Variants in UHRF2 observed in about 807,000 individuals in gnomAD.
UHRF2 encodes the protein ubiquitin like with PHD and ring finger domains 2, also known as E3 ubiquitin-protein ligase UHRF2.
A neutral mutation model predicts 96.8 loss-of-function variants in UHRF2; 23 were observed. The observed-to-expected ratio is 0.24, with a 90% confidence interval of 0.17 to 0.34. The LOEUF is 0.34. Among genes scored for constraint, UHRF2 ranks in the 10% least tolerant of loss-of-function variants. The pLI, the probability that UHRF2 is intolerant of heterozygous loss-of-function variation, is 1.00. For missense variants in UHRF2, 685 were observed against 981.5 expected, an observed-to-expected ratio of 0.70 and a Z score of 4.04; for synonymous variants, 385 against 332.6, an observed-to-expected ratio of 1.16 and a Z score of -1.72.
chr9:6,467,531 C>T (rs918140446), intron 4 of UHRF2, among the ~76,000 whole-genome samples: 2 of 149,690 alleles, frequency 1.3e-5, no homozygotes, highest in Admixed American at 1.3e-4. Context: ...GTGTGCCAGG[C>T]CTTGTTCTAG....
intron 8 of UHRF2, among the ~76,000 whole-genome samples, chr9:6,482,901 A>G (rs1170885123): frequency 6.6e-6 from 1 of 152,116 alleles, no homozygotes; most frequent in Non-Finnish European, 1.5e-5. Flanking sequence ...TAATTTTTAT[A>G]TTGAATGGCC....
chr9:6,502,746 C>T (rs965418945), intron 14 of UHRF2, among the ~76,000 whole-genome samples: 3 of 152,062 alleles, frequency 2.0e-5, no homozygotes, highest in Admixed American at 6.6e-5. Flanking sequence ...TAGATATACC[C>T]GTATTATAGG....
At chr9:6,484,723 C>T (rs1230319254) in intron 8 of UHRF2, 1 of 145,988 alleles carries the variant, frequency 6.8e-6, no homozygotes, top group East Asian at 2.0e-4. Context: ...CTTCTTATTT[C>T]TATTAATAAA....
At chr9:6,428,296 A>C (rs1312071157) in intron 2 of UHRF2, among the ~76,000 whole-genome samples, 1 of 152,136 alleles carries the variant, frequency 6.6e-6, no homozygotes, top group African/African-American at 2.4e-5. Context: ...AAGTTATGAA[A>C]TAGAATAACA....
At chr9:6,469,021 CAG>C (rs1439184177) in intron 4 of UHRF2, among the ~76,000 whole-genome samples, 2 of 151,406 alleles carry the variant, frequency 1.3e-5, no homozygotes, top group African/African-American at 4.9e-5. Flanking sequence ...GCCACATAAT[CAG>C]AAAACAGAAG....
At position 6,432,597 on chromosome 9, in the gene UHRF2, T is replaced by G. The variant is rs367799803; in HGVS notation, c.385-1317T>G. On this transcript the variant is annotated intron_variant, in intron 2 of 15. Transcript: ENST00000276893. ...TTTTGTAAAATAGGAATTAAACTTC[T>G]TAGGGTTAGACATATCTAAGTAAAG... 2.0e-4 allele frequency among the ~76,000 whole-genome samples: 30 copies of G among 152,332 alleles called. No individual in the cohort carries two copies. The East Asian group carries it at 5.2e-3, about 26-fold the overall frequency.
At chr9:6,434,846 G>A (rs560572598) in intron 3 of UHRF2, among the ~76,000 whole-genome samples, 103 of 152,014 alleles carry the variant, frequency 6.8e-4, no homozygotes, top group African/African-American at 2.4e-3. Flanking sequence ...GTTTTGGGGG[G>A]TGGGGACCGG....
intron 6 of UHRF2, 38 bp downstream of exon 6, chr9:6,477,846 G>C (rs754171599): frequency 6.6e-7 from 1 of 1,506,686 alleles, no homozygotes; most frequent in Non-Finnish European, 9.0e-7. Context: ...TGTTCTTGCT[G>C]TGTAAACATG....
chr9:6,427,162 G>A (rs1383142113), intron 2 of UHRF2, among the ~76,000 whole-genome samples: 2 of 152,048 alleles, frequency 1.3e-5, no homozygotes, highest in Non-Finnish European at 2.9e-5. Flanking sequence ...AAAATTGGGC[G>A]TTGTATTGCT....
At position 6,468,614 on chromosome 9, in the gene UHRF2, G is replaced by C. The variant is rs1823023864; in HGVS notation, c.864-6777G>C. ...GAAAAAGTCAGCAGAGTTTTTGGCA[G>C]ATATTTGGGATGCCTCAAGCATATG... On this transcript the variant is annotated intron_variant, in intron 4 of 15. Transcript: ENST00000276893. 1.5e-5 allele frequency: 7 copies of C among 455,968 alleles called. No homozygotes were observed. The Admixed American group carries it at 1.6e-4, about 11-fold the overall frequency. The allele number at this position is 455,968 out of a possible 1,614,324, so 28.2% of individuals were successfully genotyped here.
rs1587875518 is a variant in UHRF2, at chr9:6,493,763, A to G, written c.1498-63A>G. 9.3e-6 allele frequency: 13 copies of G among 1,404,814 alleles called. No individual in the cohort carries two copies. In the East Asian group the frequency reaches 2.8e-4, roughly 30 times the overall value. 87.0% of individuals were successfully genotyped at this position (1,404,814 alleles called of 1,614,324 possible). ...CCTAATGAAATGTTTTGACTCTGAA[A>G]TAAGAATTGATGAAATTATACTTGG... On this transcript the variant is annotated intron_variant, in intron 9 of 15. Coordinates refer to ENST00000276893, the MANE Select transcript of UHRF2 (RefSeq NM_152896.3).
chr9:6,492,396 C>T (rs1456299608), intron 9 of UHRF2: 80 of 1,073,628 alleles, frequency 7.5e-5, no homozygotes, highest in Non-Finnish European at 9.1e-5. Flanking sequence ...CTAAACTGTT[C>T]TAGATGTACG....
chr9:6,422,378 T>A (rs1173696437), intron 2 of UHRF2, among the ~76,000 whole-genome samples: 2 of 152,138 alleles, frequency 1.3e-5, no homozygotes, highest in African/African-American at 2.4e-5. Flanking sequence ...TGTAGCCTTA[T>A]AGACTGTTTT....
chr9:6,447,557 G>A (rs1428982957), intron 3 of UHRF2, among the ~76,000 whole-genome samples: 2 of 152,154 alleles, frequency 1.3e-5, no homozygotes, highest in African/African-American at 4.8e-5. Flanking sequence ...CAGCTGGAGT[G>A]TAGAAAGCAT....
intron 2 of UHRF2, chr9:6,422,597 T>A: frequency 1.7e-6 from 1 of 580,440 alleles, no homozygotes; most frequent in Non-Finnish European, 3.2e-6. Context: ...AAGACTTGAC[T>A]TCTCCATTAA....
intron 1 of UHRF2, among the ~76,000 whole-genome samples, chr9:6,417,912 T>C (rs972396086): frequency 2.0e-5 from 3 of 152,226 alleles, no homozygotes; most frequent in Non-Finnish European, 4.4e-5. Flanking sequence ...TCACTCTGAC[T>C]CTGGTCCCTC....
At chr9:6,497,142 G>A (rs950002234) in intron 10 of UHRF2, 56 bp from the exon 11 acceptor site, 53 of 1,521,546 alleles carry the variant, frequency 3.5e-5, no homozygotes, top group Non-Finnish European at 4.5e-5. Context: ...CTAATGACTC[G>A]ATTGTGTACT....
chr9:6,501,611 C>T (rs1816295992), intron 14 of UHRF2, among the ~76,000 whole-genome samples: 2 of 152,188 alleles, frequency 1.3e-5, no homozygotes, highest in African/African-American at 2.4e-5. Context: ...GGAATCGTTA[C>T]TTCCTTTGTC....
At position 6,434,171 on chromosome 9, in the gene UHRF2, T is replaced by A; in HGVS notation, c.642T>A (p.Asp214Glu). 6.2e-7 allele frequency: 1 copy of A among 1,610,626 alleles called. No individual in the cohort carries two copies. The highest frequency in any genetic ancestry group is 8.5e-7 in the Non-Finnish European group (1 of 1,177,580). Reference sequence around the variant, plus strand: ...ACGTTATTTACCATATCCAGTATGATGAGTAAGTGCTCAAGCTATTGAGGA... The same window carrying A: ...ACGTTATTTACCATATCCAGTATGAAGAGTAAGTGCTCAAGCTATTGAGGA... The part of the protein sequence containing the change: ...DEDVIYHIQY[D>E]EYPESGTLEM... The change falls in exon 3 of 16, where the codon GAT becomes GAA. Residue 214 changes from aspartate (D) to glutamate (E), a missense_variant and splice_region_variant. Transcript: ENST00000276893.
Sources: gnomAD v4.1 joint callset for allele counts (sites outside exome capture counted in the v4.1 genomes callset) on GRCh38, gnomAD v4.1.1 for gene constraint, MANE v1.5 for transcripts, NCBI Gene and HGNC (gene_info 2026-07-23, HGNC 2026-07-21) for gene names.